Variants in SLIT3 observed in about 807,000 individuals in gnomAD.
SLIT3 encodes slit homolog 3 protein.
SLIT3 carries 68 observed loss-of-function variants against 184.0 expected under a neutral mutation model. The observed-to-expected ratio is 0.37, with a 90% CI of 0.30 to 0.45. The LOEUF (loss-of-function observed/expected upper bound fraction) is 0.45. Among genes scored for constraint, SLIT3 ranks in the 20% least tolerant of loss-of-function variants. The probability of loss-of-function intolerance (pLI) is 1.00; values close to 1 mark genes in which losing one functional copy is unlikely to be tolerated. For synonymous variants in SLIT3, 831 were observed against 828.6 expected (o/e 1.00, Z -0.05); for missense variants, 1,707 against 2,026.0 (o/e 0.84, Z 3.02).
intron 4 of SLIT3, among the ~76,000 whole-genome samples, chr5:168,897,725 C>A (rs1561994351): frequency 6.7e-6 from 1 of 149,236 alleles, no homozygotes; most frequent in Non-Finnish European, 1.5e-5. Context: ...AAGGGAAAGG[C>A]CAAGCAAGTA....
intron 4 of SLIT3, among the ~76,000 whole-genome samples, chr5:168,884,442 C>CACACACAT (rs1176229013): frequency 6.7e-6 from 1 of 148,796 alleles, no homozygotes; most frequent in South Asian, 2.1e-4. Context: ...CACACACACA[C>CACACACAT]ACAGTGCTAT....
chr5:168,951,400 TAGA>T (rs1221380708), intron 4 of SLIT3, among the ~76,000 whole-genome samples: 2 of 152,108 alleles, frequency 1.3e-5, no homozygotes, highest in Non-Finnish European at 2.9e-5. Flanking sequence ...TGGCCCCAGG[TAGA>T]AGATCAGGCA....
At chr5:168,860,902 C>A (rs555786990) in intron 5 of SLIT3, among the ~76,000 whole-genome samples, 5 of 152,178 alleles carry the variant, frequency 3.3e-5, no homozygotes, top group Non-Finnish European at 1.5e-5. Flanking sequence ...GCTTCCCCTG[C>A]GGCCCTGCAT....
chr5:169,146,062 T>C (rs969020910), intron 4 of SLIT3, among the ~76,000 whole-genome samples: 11 of 152,048 alleles, frequency 7.2e-5, no homozygotes, highest in Middle Eastern at 3.2e-3. Context: ...AAAAAAATAA[T>C]AGCTAACACA....
intron 6 of SLIT3, among the ~76,000 whole-genome samples, chr5:168,832,050 G>C (rs553717627): frequency 5.9e-4 from 90 of 152,340 alleles, no homozygotes; most frequent in African/African-American, 2.1e-3. Context: ...CACAGATACT[G>C]CCTAGCAGTG....
chr5:168,685,606 G>T (rs1761717213), intron 31 of SLIT3, 81 bp downstream of exon 31: 1 of 1,474,742 alleles, frequency 6.8e-7, no homozygotes, highest in East Asian at 2.3e-5. Flanking sequence ...GTTAAGATGG[G>T]GCATTCCAGC....
intron 4 of SLIT3, among the ~76,000 whole-genome samples, chr5:169,182,240 C>T (rs1162049008): frequency 6.6e-6 from 1 of 152,192 alleles, no homozygotes; most frequent in Non-Finnish European, 1.5e-5. Context: ...TATTCTAAAC[C>T]ATGAATCAAA....
chr5:169,244,598 CT>C, intron 3 of SLIT3, 106 bp downstream of exon 3: 6 of 920,296 alleles, frequency 6.5e-6, no homozygotes, highest in Non-Finnish European at 1.0e-5. Flanking sequence ...CACTGGAGAC[CT>C]TTTTTAACAA....
intron 4 of SLIT3, among the ~76,000 whole-genome samples, chr5:169,077,844 TAAAAA>T (rs57058518): frequency 6.9e-5 from 8 of 115,860 alleles, no homozygotes; most frequent in African/African-American, 8.9e-5. Flanking sequence ...CTTCAATTAC[TAAAAA>T]AAAAAAAAAA....
chr5:169,176,595 T>A (rs1449599397), intron 4 of SLIT3, among the ~76,000 whole-genome samples: 1 of 152,150 alleles, frequency 6.6e-6, no homozygotes, highest in African/African-American at 2.4e-5. Flanking sequence ...ATATAAAATA[T>A]TTGACATTTT....
intron 4 of SLIT3, among the ~76,000 whole-genome samples, chr5:169,148,164 C>T (rs949389844): frequency 3.6e-4 from 55 of 152,256 alleles, no homozygotes; most frequent in African/African-American, 1.3e-3. Flanking sequence ...GTCACTATTG[C>T]TGCTTATGTT....
chr5:168,666,897 C>T (rs1761074623), intron 35 of SLIT3: 10 of 766,452 alleles, frequency 1.3e-5, no homozygotes, highest in South Asian at 3.0e-5. Flanking sequence ...CAGGCTTACA[C>T]CTAAGCCGTG....
chr5:168,673,435 C>T, intron 32 of SLIT3, 104 bp from the exon 33 acceptor site: 1 of 1,108,552 alleles, frequency 9.0e-7, no homozygotes. Context: ...TTTTGTTTTA[C>T]TTTTTATTTG....
chr5:169,028,700 G>C (rs1480530619), intron 4 of SLIT3, among the ~76,000 whole-genome samples: 4 of 152,170 alleles, frequency 2.6e-5, no homozygotes, highest in Non-Finnish European at 5.9e-5. Flanking sequence ...TCCCCCAAAA[G>C]GAGAAGAACC....
At chr5:168,825,675 G>A (rs1481271231) in intron 6 of SLIT3, among the ~76,000 whole-genome samples, 3 of 152,174 alleles carry the variant, frequency 2.0e-5, no homozygotes, top group African/African-American at 7.2e-5. Flanking sequence ...TGTATGTGGG[G>A]AGATGCTCAG....
chr5:169,245,334 C>G (rs1219169987), intron 2 of SLIT3, among the ~76,000 whole-genome samples: 3 of 152,126 alleles, frequency 2.0e-5, no homozygotes, highest in African/African-American at 4.8e-5. Flanking sequence ...TCCAGCCACA[C>G]GCTTCACTCA....
chr5:169,121,393 G>T (rs1194061130), intron 4 of SLIT3, among the ~76,000 whole-genome samples: 1 of 152,152 alleles, frequency 6.6e-6, no homozygotes, highest in Non-Finnish European at 1.5e-5. Context: ...GTTCCAAAAA[G>T]AACCCGCCCC....
chr5:168,948,636 T>A (rs1441690848), intron 4 of SLIT3, among the ~76,000 whole-genome samples: 1 of 152,202 alleles, frequency 6.6e-6, no homozygotes, highest in Non-Finnish European at 1.5e-5. Flanking sequence ...ATTGTATTTT[T>A]TTCCCCCATT....
chr5:168,990,742 G>T (rs896120042), intron 4 of SLIT3, among the ~76,000 whole-genome samples: 1 of 152,174 alleles, frequency 6.6e-6, no homozygotes, highest in African/African-American at 2.4e-5. Context: ...GGCAGGTCCT[G>T]TCCCTCTTGG....
Sources: allele counts gnomAD v4.1 joint callset (sites outside exome capture counted in the v4.1 genomes callset), GRCh38; gene constraint gnomAD v4.1.1; transcripts MANE v1.5; gene names NCBI Gene and HGNC (gene_info 2026-07-23, HGNC 2026-07-21).